Variants in ADGRL2 observed in about 807,000 individuals in gnomAD.
ADGRL2 encodes the protein calcium-independent alpha-latrotoxin receptor 2.
A neutral mutation model predicts 157.4 loss-of-function variants in ADGRL2; 44 were observed. The ratio of observed to expected loss-of-function variants is 0.28; its 90% CI spans 0.22 to 0.36. The LOEUF is 0.36. Among genes scored for constraint, ADGRL2 ranks in the 10% least tolerant of loss-of-function variants. The pLI is 1.00. For missense variants in ADGRL2, 1,510 were observed against 1,768.9 expected, an observed-to-expected ratio of 0.85 and a Z score of 2.63; for synonymous variants, 585 against 624.7, an observed-to-expected ratio of 0.94 and a Z score of 0.95.
At chr1:81,757,977 C>T (rs139316707) in intron 1 of ADGRL2, among the ~76,000 whole-genome samples, 1 of 152,134 alleles carries the variant, frequency 6.6e-6, no homozygotes, top group African/African-American at 2.4e-5. Context: ...TTCCAAGGAA[C>T]ATAAACTAGA....
chr1:81,507,409 T>C (rs1384345943), intron 2 of ADGRL2, among the ~76,000 whole-genome samples: 1 of 152,184 alleles, frequency 6.6e-6, no homozygotes, highest in Non-Finnish European at 1.5e-5. Flanking sequence ...GCAAATTAAC[T>C]CTTTGGAGCC....
Position 81,498,551 on chromosome 1 carries a change from G to A in ADGRL2, c.-248+53462G>A, listed in dbSNP as rs144259996. Among the ~76,000 whole-genome samples the A allele has an allele frequency of 3.0e-4, 45 of 152,212 alleles. No individual in the cohort carries two copies. The South Asian group carries it at 4.8e-3, about 16-fold the overall frequency. Reference sequence around the variant, plus strand: ...AGATTGAGTGAATAAGCAAAGAGCCGGAACATCTGAGTATAATTGCAGTGT... The same window carrying A: ...AGATTGAGTGAATAAGCAAAGAGCCAGAACATCTGAGTATAATTGCAGTGT... On this transcript the variant is annotated intron_variant, in intron 2 of 24. Coordinates refer to the ADGRL2 transcript ENST00000370721.
At chr1:81,752,968 C>T (rs1406268910) in intron 1 of ADGRL2, among the ~76,000 whole-genome samples, 1 of 152,058 alleles carries the variant, frequency 6.6e-6, no homozygotes. Flanking sequence ...TTTAAAAGAG[C>T]ACAGCAAATA....
intron 3 of ADGRL2, among the ~76,000 whole-genome samples, chr1:81,614,159 G>T (rs2081597025): frequency 6.6e-6 from 1 of 152,096 alleles, no homozygotes; most frequent in African/African-American, 2.4e-5. Context: ...TCATATCTGT[G>T]AACAAGATAA....
At chr1:81,462,024 G>T (rs563352459) in intron 2 of ADGRL2, among the ~76,000 whole-genome samples, 1 of 151,766 alleles carries the variant, frequency 6.6e-6, no homozygotes, top group East Asian at 1.9e-4. Flanking sequence ...GGTCGGGTGG[G>T]GACTTGGAGA....
At chr1:81,568,995 CA>C (rs1570529272) in intron 2 of ADGRL2, among the ~76,000 whole-genome samples, 1 of 152,060 alleles carries the variant, frequency 6.6e-6, no homozygotes. Context: ...TTAGGTCTTC[CA>C]AATTTTATAA....
chr1:81,417,207 G>T (rs1224011056), intron 1 of ADGRL2, among the ~76,000 whole-genome samples: 5 of 151,992 alleles, frequency 3.3e-5, no homozygotes, highest in African/African-American at 9.7e-5. Context: ...CCTTTAAATG[G>T]AGTAGAAATA....
intron 18 of ADGRL2, chr1:81,980,927 A>T: frequency 1.8e-6 from 1 of 565,540 alleles, no homozygotes; most frequent in Non-Finnish European, 3.3e-6. Context: ...CTTAATTTTT[A>T]TAATTATTTT....
At chr1:81,948,104 C>A (rs1203122712) in intron 6 of ADGRL2, among the ~76,000 whole-genome samples, 1 of 151,796 alleles carries the variant, frequency 6.6e-6, no homozygotes, top group Non-Finnish European at 1.5e-5. Flanking sequence ...GTAGACCCAG[C>A]TACTCGGGAA....
At chr1:81,578,229 G>A (rs1271910562) in intron 2 of ADGRL2, among the ~76,000 whole-genome samples, 1 of 152,100 alleles carries the variant, frequency 6.6e-6, no homozygotes, top group Non-Finnish European at 1.5e-5. Flanking sequence ...AAAGAGGAAG[G>A]AAAAATGAGA....
intron 2 of ADGRL2, among the ~76,000 whole-genome samples, chr1:81,579,722 T>A (rs1036427365): frequency 6.6e-6 from 1 of 152,244 alleles, no homozygotes; most frequent in South Asian, 2.1e-4. Flanking sequence ...TTGCCAAAAT[T>A]ATTTTTTTAC....
intron 17 of ADGRL2, among the ~76,000 whole-genome samples, chr1:81,973,551 G>T (rs1363276678): frequency 6.6e-6 from 1 of 152,022 alleles, no homozygotes; most frequent in Non-Finnish European, 1.5e-5. Context: ...ACTGACTTTA[G>T]ATCATTAAAA....
chr1:81,349,190 G>A (rs1211354853), intron 1 of ADGRL2, among the ~76,000 whole-genome samples: 4 of 152,220 alleles, frequency 2.6e-5, no homozygotes, highest in East Asian at 1.9e-4. Flanking sequence ...CCATTAAACC[G>A]TGTTGGGGAT....
chr1:81,906,624 G>A (rs1276698278), intron 2 of ADGRL2, among the ~76,000 whole-genome samples: 1 of 152,192 alleles, frequency 6.6e-6, no homozygotes, highest in Non-Finnish European at 1.5e-5. Context: ...AGTAAGGCCA[G>A]TGGGTGTAGC....
At chr1:81,582,227 A>T (rs553614580) in intron 3 of ADGRL2, among the ~76,000 whole-genome samples, 48 of 150,522 alleles carry the variant, frequency 3.2e-4, no homozygotes, top group African/African-American at 9.7e-4. Flanking sequence ...CTCAAAAAAA[A>T]TTTTTTTTTT....
chr1:81,891,289 A>G (rs1438399493), intron 2 of ADGRL2, among the ~76,000 whole-genome samples: 1 of 151,938 alleles, frequency 6.6e-6, no homozygotes, highest in Non-Finnish European at 1.5e-5. Flanking sequence ...TAGTTTTAAA[A>G]TACTTCTTTA....
intron 1 of ADGRL2, among the ~76,000 whole-genome samples, chr1:81,441,521 T>C (rs1032355722): frequency 6.6e-6 from 1 of 152,176 alleles, no homozygotes; most frequent in Non-Finnish European, 1.5e-5. Context: ...TTGTTTGTTT[T>C]TGGGTTTTTT....
chr1:81,445,275 A>G (rs1047849812), intron 2 of ADGRL2, among the ~76,000 whole-genome samples: 5 of 152,190 alleles, frequency 3.3e-5, no homozygotes, highest in African/African-American at 4.8e-5. Flanking sequence ...AACTACATGT[A>G]TGGGTTACCT....
chr1:81,681,431 G>A (rs994639122), intron 3 of ADGRL2, among the ~76,000 whole-genome samples: 3 of 152,162 alleles, frequency 2.0e-5, no homozygotes, highest in Non-Finnish European at 4.4e-5. Context: ...TGTGAGTAAA[G>A]GGTTAAACTC....
Sources: gnomAD v4.1 joint callset for allele counts (sites outside exome capture counted in the v4.1 genomes callset) on GRCh38, gnomAD v4.1.1 for gene constraint, MANE v1.5 for transcripts, NCBI Gene and HGNC (gene_info 2026-07-23, HGNC 2026-07-21) for gene names.